The following TRAPPC9 variants were observed in gnomAD, a reference collection of about 807,000 sequenced individuals.
TRAPPC9 encodes the protein IKK2 binding protein.
In TRAPPC9, 83 loss-of-function variants were observed where a neutral mutation model predicts 124.0. The ratio of observed to expected loss-of-function variants is 0.67; its 90% confidence interval spans 0.56 to 0.80. TRAPPC9 has a LOEUF of 0.80. Among genes scored for constraint, TRAPPC9 ranks in the 30% least tolerant of loss-of-function variants. The probability of loss-of-function intolerance (pLI) is 0.00; values close to 1 mark genes in which losing one functional copy is unlikely to be tolerated. For missense variants in TRAPPC9, 1,302 were observed against 1,508.3 expected (o/e 0.86, Z 2.27); for synonymous variants, 638 against 617.5 (o/e 1.03, Z -0.49).
chr8:140,259,914 T>C (rs771722726), intron 15 of TRAPPC9, among the ~76,000 whole-genome samples: 15 of 152,180 alleles, frequency 9.9e-5, no homozygotes, highest in Non-Finnish European at 2.2e-4. Context: ...GGAAAAGAGC[T>C]ATGTGAAAAA....
At chr8:140,130,788 C>A (rs1025331777) in intron 17 of TRAPPC9, among the ~76,000 whole-genome samples, 1 of 152,086 alleles carries the variant, frequency 6.6e-6, no homozygotes, top group Non-Finnish European at 1.5e-5. Flanking sequence ...AACAGCTCAG[C>A]GGACTGAGGG....
intron 9 of TRAPPC9, among the ~76,000 whole-genome samples, chr8:140,339,610 C>T (rs1003153481): frequency 4.6e-5 from 7 of 152,132 alleles, no homozygotes; most frequent in South Asian, 4.1e-4. Context: ...CAAACGAGGC[C>T]GAACCCTGAG....
chr8:139,826,518 G>A (rs1458251782), intron 21 of TRAPPC9, among the ~76,000 whole-genome samples: 3 of 152,176 alleles, frequency 2.0e-5, no homozygotes, highest in Non-Finnish European at 4.4e-5. Flanking sequence ...CCAAATAAAC[G>A]CACAACTGAA....
intron 17 of TRAPPC9, chr8:140,098,051 C>T (rs2060487798): frequency 6.6e-6 from 1 of 152,316 alleles, no homozygotes; most frequent in Non-Finnish European, 1.5e-5. Flanking sequence ...TCAGTGCCGG[C>T]TTCAGCAGCA....
intron 21 of TRAPPC9, among the ~76,000 whole-genome samples, chr8:139,824,293 C>T (rs973984464): frequency 6.6e-6 from 1 of 152,192 alleles, no homozygotes; most frequent in African/African-American, 2.4e-5. Flanking sequence ...GTCGCCGGGT[C>T]ACTGTGACGA....
chr8:140,352,517 G>A (rs2067617878), intron 9 of TRAPPC9, among the ~76,000 whole-genome samples: 1 of 152,174 alleles, frequency 6.6e-6, no homozygotes, highest in Admixed American at 6.5e-5. Context: ...ACACTTTCAA[G>A]GGCGAGGTGG....
chr8:139,943,291 T>C (rs1834022376), intron 19 of TRAPPC9, among the ~76,000 whole-genome samples: 1 of 152,210 alleles, frequency 6.6e-6, no homozygotes, highest in South Asian at 2.1e-4. Context: ...GGTCTCGAAC[T>C]CCTGACCTCA....
chr8:140,158,805 A>T (rs1423037493), intron 17 of TRAPPC9, among the ~76,000 whole-genome samples: 2 of 152,130 alleles, frequency 1.3e-5, no homozygotes, highest in African/African-American at 4.8e-5. Flanking sequence ...AGCATCTACT[A>T]TATGCCAAAC....
chr8:140,444,078 G>C (rs1217393201), intron 2 of TRAPPC9, among the ~76,000 whole-genome samples: 1 of 149,710 alleles, frequency 6.7e-6, no homozygotes, highest in Non-Finnish European at 1.5e-5. Flanking sequence ...CGGGCATGGT[G>C]GCACACACCT....
chr8:139,767,553 A>G (rs1304234243), intron 21 of TRAPPC9, among the ~76,000 whole-genome samples: 1 of 152,120 alleles, frequency 6.6e-6, no homozygotes, highest in Non-Finnish European at 1.5e-5. Context: ...GTGGGGGTGG[A>G]AGGGGGAGGG....
intron 17 of TRAPPC9, among the ~76,000 whole-genome samples, chr8:140,127,415 C>T (rs555504939): frequency 2.0e-5 from 3 of 152,312 alleles, no homozygotes; most frequent in South Asian, 4.1e-4. Context: ...ATACATCATA[C>T]CCTATAAAAC....
chr8:140,400,060 T>C (rs190296726), intron 6 of TRAPPC9, among the ~76,000 whole-genome samples: 2 of 152,346 alleles, frequency 1.3e-5, no homozygotes, highest in East Asian at 3.9e-4. Flanking sequence ...CTGCCATCCA[T>C]GTAAGACGGG....
intron 15 of TRAPPC9, among the ~76,000 whole-genome samples, chr8:140,262,245 C>T (rs572904699): frequency 7.9e-5 from 12 of 151,866 alleles, no homozygotes; most frequent in Non-Finnish European, 1.6e-4. Flanking sequence ...TTTACAGAGA[C>T]GTGACATACC....
intron 17 of TRAPPC9, among the ~76,000 whole-genome samples, chr8:140,103,338 G>A (rs988199625): frequency 6.6e-6 from 1 of 152,160 alleles, no homozygotes; most frequent in Non-Finnish European, 1.5e-5. Flanking sequence ...GACCCACCTC[G>A]GAGAATTGTG....
At chr8:140,160,834 A>G (rs575990918) in intron 17 of TRAPPC9, among the ~76,000 whole-genome samples, 122 of 98,472 alleles carry the variant, frequency 1.2e-3, no homozygotes, top group African/African-American at 3.1e-3. Context: ...AAGATTCCTG[A>G]AAAAAAAAAA....
At chr8:140,197,186 G>A (rs2062690806) in intron 17 of TRAPPC9, among the ~76,000 whole-genome samples, 1 of 152,202 alleles carries the variant, frequency 6.6e-6, no homozygotes, top group Admixed American at 6.5e-5. Context: ...AGGAAGAGAA[G>A]ATAGAGAAAA....
intron 8 of TRAPPC9, among the ~76,000 whole-genome samples, chr8:140,364,292 C>CAAA (rs34616334): frequency 0.043 from 2,282 of 52,956 alleles, 103 homozygotes; most frequent in African/African-American, 0.12. Flanking sequence ...TCAAAGGATG[C>CAAA]AAAAAAAAAA....
rs1564002447 is a variant in TRAPPC9, at chr8:140,404,906, ATGCGTGTGTGTG to A, written c.1008+659_1008+670del. 3.0e-4 allele frequency among the ~76,000 whole-genome samples: 18 copies of A among 59,726 alleles called. No homozygotes were observed. In the East Asian group the frequency reaches 0.014, roughly 47 times the overall value. 39.2% of individuals were successfully genotyped at this position (59,726 alleles called of 152,430 possible). On this transcript the variant is annotated intron_variant, in intron 6 of 22. Transcript: ENST00000438773. The stretch of plus-strand genomic sequence containing the variant: ...TGCATGTGTGCACGTGTGTGTGAGC[ATGCGTGTGTGTG>A]TGTGTGTGTGTGTGTGTGTGTGTGT...
intron 2 of TRAPPC9, among the ~76,000 whole-genome samples, chr8:140,450,282 A>G (rs1378004944): frequency 6.6e-6 from 1 of 151,966 alleles, no homozygotes; most frequent in African/African-American, 2.4e-5. Flanking sequence ...AATCACTTGA[A>G]CCCGGGAGGT....
Sources: gnomAD v4.1 joint callset for allele counts (sites outside exome capture counted in the v4.1 genomes callset) on GRCh38, gnomAD v4.1.1 for gene constraint, MANE v1.5 for transcripts, NCBI Gene and HGNC (gene_info 2026-07-23, HGNC 2026-07-21) for gene names.